Variants in CDC42SE2 observed in about 807,000 individuals in gnomAD.
The protein encoded by CDC42SE2 is CDC42 small effector protein 2.
A neutral mutation model predicts 11.5 loss-of-function variants in CDC42SE2; 3 were observed. The ratio of observed to expected loss-of-function variants is 0.26; its 90% CI spans 0.12 to 0.67. The LOEUF is 0.67. Among genes scored for constraint, CDC42SE2 ranks in the 30% least tolerant of loss-of-function variants. The probability of loss-of-function intolerance (pLI) is 0.80; values close to 1 mark genes in which losing one functional copy is unlikely to be tolerated. For missense variants in CDC42SE2, 82 were observed against 106.8 expected, an observed-to-expected ratio of 0.77 and a Z score of 1.02; for synonymous variants, 33 against 34.8, an observed-to-expected ratio of 0.95 and a Z score of 0.18.
chr5:131,349,161 G>A (rs1389621167), intron 2 of CDC42SE2, among the ~76,000 whole-genome samples: 1 of 152,062 alleles, frequency 6.6e-6, no homozygotes, highest in East Asian at 1.9e-4. Flanking sequence ...TAACTTTGCA[G>A]CCATAAAAAA....
chr5:131,345,837 C>T (rs532640405), intron 2 of CDC42SE2, among the ~76,000 whole-genome samples: 195 of 142,504 alleles, frequency 1.4e-3, no homozygotes, highest in South Asian at 2.5e-3. Flanking sequence ...AGAGTGGGGG[C>T]CAATATTCAA....
intron 1 of CDC42SE2, among the ~76,000 whole-genome samples, chr5:131,296,086 A>G (rs1049707974): frequency 1.1e-4 from 17 of 152,194 alleles, no homozygotes; most frequent in African/African-American, 3.9e-4. Flanking sequence ...CACATGGGAA[A>G]ACAGACACAC....
chr5:131,367,265 T>A (rs143450133), intron 3 of CDC42SE2, among the ~76,000 whole-genome samples: 71 of 152,182 alleles, frequency 4.7e-4, no homozygotes, highest in African/African-American at 1.6e-3. Context: ...TTGAGTAGTT[T>A]CTAGTTTTAA....
chr5:131,306,485 T>C (rs896683313), intron 1 of CDC42SE2, among the ~76,000 whole-genome samples: 2 of 152,208 alleles, frequency 1.3e-5, no homozygotes, highest in Admixed American at 1.3e-4. Flanking sequence ...ATGTTCTGTA[T>C]TGATTACTAT....
chr5:131,323,547 G>GTTTTTTTTT (rs1171213231), intron 2 of CDC42SE2, among the ~76,000 whole-genome samples: 9 of 82,546 alleles, frequency 1.1e-4, no homozygotes, highest in Admixed American at 1.8e-4. Flanking sequence ...TCTCTCTCTG[G>GTTTTTTTTT]TTTTTTTTTT....
rs558229486 is a variant in CDC42SE2, at chr5:131,265,575, G to C, written c.-455+1409G>C. On this transcript the variant is annotated intron_variant, in intron 1 of 4. Coordinates refer to ENST00000505065, the MANE Select transcript of CDC42SE2 (RefSeq NM_001375635.1). ...AATTATCCTTTTCTTAAACTTGAAT[G>C]CAAAGTTATTTCCTTATTATTGATG... Among the ~76,000 whole-genome samples the C allele has an allele frequency of 1.2e-3, 176 of 152,264 alleles. 1 individual carries two copies. Among genetic ancestry groups the C allele is most frequent in the Middle Eastern group, 6.8e-3 (2 of 294 alleles).
At chr5:131,289,858 G>A (rs1033656136) in intron 1 of CDC42SE2, among the ~76,000 whole-genome samples, 15 of 150,818 alleles carry the variant, frequency 9.9e-5, no homozygotes, top group Non-Finnish European at 1.9e-4. Context: ...TTCCTTCTTA[G>A]AAACAGGGAC....
intron 1 of CDC42SE2, among the ~76,000 whole-genome samples, chr5:131,302,860 C>G (rs1027592949): frequency 6.6e-6 from 1 of 150,818 alleles, no homozygotes; most frequent in Non-Finnish European, 1.5e-5. Context: ...TTCTGAAATT[C>G]CAGCAATTAG....
upstream of CDC42SE2, among the ~76,000 whole-genome samples, chr5:131,242,651 C>T (rs761528357): frequency 6.6e-6 from 1 of 152,138 alleles, no homozygotes; most frequent in Non-Finnish European, 1.5e-5. Context: ...ACAGGAGCTA[C>T]TTAATATGTA....
the CDC42SE2 span, among the ~76,000 whole-genome samples, chr5:131,238,139 C>T: frequency 1.1e-4 from 14 of 129,170 alleles, no homozygotes; most frequent in Admixed American, 1.0e-3. Context: ...AATAAATTCT[C>T]GGGGGTGAGG....
rs576061126 is a variant in CDC42SE2, at chr5:131,280,936, G to A, written c.-455+16770G>A. Among the ~76,000 whole-genome samples the A allele has an allele frequency of 2.6e-5, 4 of 152,210 alleles. No homozygotes were observed. The South Asian group carries it at 8.3e-4, about 32-fold the overall frequency. On this transcript the variant is annotated intron_variant, in intron 1 of 4. Transcript: ENST00000505065. The stretch of plus-strand genomic sequence containing the variant: ...AGCATGTAAGAATTCTTATGTTAAT[G>A]TTTCCTTTGATTTTTGTTTTATGAA...
At chr5:131,322,514 A>C (rs1461466724) in intron 2 of CDC42SE2, among the ~76,000 whole-genome samples, 2 of 151,840 alleles carry the variant, frequency 1.3e-5, no homozygotes, top group African/African-American at 2.4e-5. Flanking sequence ...TTTTATTTTT[A>C]TTTTTTATTT....
the CDC42SE2 span, among the ~76,000 whole-genome samples, chr5:131,229,997 C>T: frequency 6.6e-6 from 1 of 152,212 alleles, no homozygotes; most frequent in South Asian, 2.1e-4. Context: ...AGATTTAACA[C>T]TATCATTTTA....
At chr5:131,332,923 G>C (rs1580759461) in intron 2 of CDC42SE2, among the ~76,000 whole-genome samples, 1 of 152,256 alleles carries the variant, frequency 6.6e-6, no homozygotes, top group Non-Finnish European at 1.5e-5. Context: ...TAGGTTGCCT[G>C]TTCACTCTGA....
At chr5:131,235,656 A>G in the CDC42SE2 span, among the ~76,000 whole-genome samples, 1 of 151,150 alleles carries the variant, frequency 6.6e-6, no homozygotes. Context: ...GTGCAATGGC[A>G]TGGTCTCGGC....
intron 1 of CDC42SE2, among the ~76,000 whole-genome samples, chr5:131,249,690 G>A (rs977506147): frequency 1.3e-5 from 2 of 152,088 alleles, no homozygotes; most frequent in Admixed American, 6.6e-5. Context: ...ACTTTTGTTC[G>A]ACAGCTTTAT....
At chr5:131,253,754 A>G (rs1756658650) in intron 1 of CDC42SE2, among the ~76,000 whole-genome samples, 1 of 152,154 alleles carries the variant, frequency 6.6e-6, no homozygotes, top group South Asian at 2.1e-4. Context: ...AACAAGAGTG[A>G]AACTCTGTCT....
At chr5:131,217,016 G>T in the CDC42SE2 span, among the ~76,000 whole-genome samples, 1 of 152,214 alleles carries the variant, frequency 6.6e-6, no homozygotes, top group Non-Finnish European at 1.5e-5. Context: ...TCAGGCCAGG[G>T]GGCTGCCTGA....
chr5:131,212,248 C>G, the CDC42SE2 span, among the ~76,000 whole-genome samples: 1 of 152,092 alleles, frequency 6.6e-6, no homozygotes, highest in South Asian at 2.1e-4. Flanking sequence ...GCTGGGACTA[C>G]AGGAGCCTGC....
Sources: gnomAD v4.1 joint callset for allele counts (sites outside exome capture counted in the v4.1 genomes callset) on GRCh38, gnomAD v4.1.1 for gene constraint, MANE v1.5 for transcripts, NCBI Gene and HGNC (gene_info 2026-07-23, HGNC 2026-07-21) for gene names.